The following KRT8 variants were observed in gnomAD, a reference collection of about 807,000 sequenced individuals.
The protein encoded by KRT8 is keratin 8.
In KRT8, 24 loss-of-function variants were observed where a neutral mutation model predicts 43.0. The observed-to-expected ratio is 0.56, with a 90% CI of 0.40 to 0.78. The LOEUF is 0.78. Among genes scored for constraint, KRT8 ranks in the 30% least tolerant of loss-of-function variants. The probability of loss-of-function intolerance (pLI) is 0.00; values close to 1 mark genes in which losing one functional copy is unlikely to be tolerated. For synonymous variants in KRT8, 214 were observed against 261.2 expected (o/e 0.82, Z 1.74); for missense variants, 492 against 638.4 (o/e 0.77, Z 2.47).
chr12:52,935,431 A>G (rs1254972702), intron 2 of KRT8, among the ~76,000 whole-genome samples: 3 of 133,584 alleles, frequency 2.2e-5, no homozygotes, highest in African/African-American at 2.8e-5. Flanking sequence ...AGTGGCTCAC[A>G]CCTGTAATCC....
At chr12:52,949,055 C>A (rs1942406252) in intron 2 of KRT8, 3 of 966,836 alleles carry the variant, frequency 3.1e-6, no homozygotes, top group Non-Finnish European at 4.8e-6. Flanking sequence ...GCTTCCGAAG[C>A]GGCTCCGGGG....
In KRT8 at chr12:52,900,080, G is replaced by A. The variant is rs1565717050; in HGVS notation, c.691-15C>T. On this transcript the variant is annotated splice_polypyrimidine_tract_variant and intron_variant, in intron 4 of 7. Transcript: ENST00000692008. ...TCCCGGATCTCCTGTGGGGGAAGAG[G>A]GCAAGTGGTGAGGCCCTGTCTCTGC... 6.2e-7 allele frequency: 1 copy of A among 1,611,894 alleles called. No homozygotes were observed. Among genetic ancestry groups the A allele is most frequent in the Admixed American group, 1.7e-5 (1 of 60,000 alleles).
intron 2 of KRT8, among the ~76,000 whole-genome samples, chr12:52,940,625 ATT>A (rs71092795): frequency 0.088 from 11,161 of 127,462 alleles, 538 homozygotes; most frequent in Middle Eastern, 0.13. Context: ...AACACAGTGG[ATT>A]TTTTTTTTTT....
chr12:52,945,864 C>T (rs1942335996), intron 2 of KRT8, among the ~76,000 whole-genome samples: 1 of 152,090 alleles, frequency 6.6e-6, no homozygotes, highest in Non-Finnish European at 1.5e-5. Flanking sequence ...CGCCATCCCC[C>T]TTTCCACCTT....
At chr12:52,904,544 G>A in intron 1 of KRT8, 114 bp downstream of exon 1, 1 of 983,776 alleles carries the variant, frequency 1.0e-6, no homozygotes, top group Non-Finnish European at 1.6e-6. Context: ...AGTGTCGCCA[G>A]GGCGGGTGAG....
intron 1 of KRT8, among the ~76,000 whole-genome samples, chr12:52,903,196 C>T (rs1456031957): frequency 1.3e-5 from 2 of 152,178 alleles, no homozygotes; most frequent in Non-Finnish European, 2.9e-5. Flanking sequence ...GGGCCAAGCA[C>T]TGCTGAACTC....
At chr12:52,899,818 T>C (rs374204155) in exon 5 of KRT8, 16 of 1,611,788 alleles carry the variant, frequency 9.9e-6, no homozygotes, top group Non-Finnish European at 1.2e-5. Flanking sequence ...CCGGCTGATG[T>C]TCCGGTTCAT....
chr12:52,900,890 A>G (rs1941352401), intron 3 of KRT8: 3 of 634,602 alleles, frequency 4.7e-6, no homozygotes, highest in East Asian at 5.5e-5. Flanking sequence ...ACCCTCTTCC[A>G]CCTCCTTCTC....
At chr12:52,944,537 C>A (rs1288643984) in intron 2 of KRT8, among the ~76,000 whole-genome samples, 2 of 152,182 alleles carry the variant, frequency 1.3e-5, no homozygotes, top group African/African-American at 4.8e-5. Context: ...GCACCAGGGT[C>A]AGAATGGGCA....
At chr12:52,940,326 G>A (rs745579167) in intron 2 of KRT8, among the ~76,000 whole-genome samples, 2 of 151,554 alleles carry the variant, frequency 1.3e-5, no homozygotes, top group South Asian at 2.1e-4. Flanking sequence ...CCAGCTACTC[G>A]GGAGGCTAAG....
At chr12:52,941,058 A>G (rs1942259704) in intron 2 of KRT8, among the ~76,000 whole-genome samples, 1 of 139,972 alleles carries the variant, frequency 7.1e-6, no homozygotes, top group Non-Finnish European at 1.5e-5. Context: ...ATTGTGCATC[A>G]ATACATTAAT....
intron 2 of KRT8, chr12:52,926,332 G>GCCCC: frequency 4.3e-4 from 258 of 599,872 alleles, no homozygotes; most frequent in Middle Eastern, 1.1e-3. Flanking sequence ...GGCACTAGCT[G>GCCCC]CCCTCCCCAC....
chr12:52,938,145 TATATATATATATATATATATATATA>T (rs1454798304), intron 2 of KRT8, among the ~76,000 whole-genome samples: 21 of 31,626 alleles, frequency 6.6e-4, no homozygotes, highest in Non-Finnish European at 1.1e-3. Context: ...GCTATATATA[TATATATATATATATATATATATATA>T]TTTTTTTTTT....
chr12:52,946,503 GA>G (rs1942346066), intron 2 of KRT8: 1 of 152,196 alleles, frequency 6.6e-6, no homozygotes, highest in South Asian at 2.1e-4. Flanking sequence ...CTGTACAAGT[GA>G]AGAAATTGAA....
chr12:52,931,657 C>CATATAT (rs34460731), intron 2 of KRT8, among the ~76,000 whole-genome samples: 11,842 of 147,050 alleles, frequency 0.081, 490 homozygotes, highest in Middle Eastern at 0.093. Flanking sequence ...ATTGGCTCCC[C>CATATAT]ATATATATAT....
chr12:52,926,332 GCCCTC>G, intron 2 of KRT8: 52 of 600,198 alleles, frequency 8.7e-5, no homozygotes, highest in East Asian at 2.0e-4. Flanking sequence ...GGCACTAGCT[GCCCTC>G]CCCACCCCAC....
chr12:52,938,313 C>T (rs1942212522), intron 2 of KRT8, among the ~76,000 whole-genome samples: 1 of 149,786 alleles, frequency 6.7e-6, no homozygotes, highest in Admixed American at 6.7e-5. Context: ...GGATTACAAG[C>T]ATGGACAATG....
chr12:52,921,110 C>T (rs568870576), intron 2 of KRT8, among the ~76,000 whole-genome samples: 2 of 152,336 alleles, frequency 1.3e-5, no homozygotes, highest in African/African-American at 4.8e-5. Flanking sequence ...CCAGGCCAGC[C>T]CAGGCCAGCT....
At chr12:52,925,883 TC>T in intron 2 of KRT8, among the ~76,000 whole-genome samples, 1 of 151,688 alleles carries the variant, frequency 6.6e-6, no homozygotes, top group African/African-American at 2.4e-5. Context: ...TGCGTTTCTC[TC>T]CCCCTCAGGG....
Sources: gnomAD v4.1 joint callset for allele counts (sites outside exome capture counted in the v4.1 genomes callset) on GRCh38, gnomAD v4.1.1 for gene constraint, MANE v1.5 for transcripts, NCBI Gene and HGNC (gene_info 2026-07-23, HGNC 2026-07-21) for gene names.